The following LRRC37A2 variants were observed in gnomAD, a reference collection of about 807,000 sequenced individuals.
LRRC37A2 encodes leucine rich repeat containing 37 member A2, also known as leucine-rich repeat-containing protein 37A2.
Under a neutral mutation model 68.8 loss-of-function variants are expected in LRRC37A2, and 9 were observed. The observed-to-expected ratio is 0.13, with a 90% CI of 0.08 to 0.23. The LOEUF (loss-of-function observed/expected upper bound fraction) is 0.23. LRRC37A2 is among the 10% of genes least tolerant of loss of function. LRRC37A2 has a pLI of 1.00. For synonymous variants in LRRC37A2, 63 were observed against 367.6 expected (o/e 0.17, Z 9.48); for missense variants, 168 against 950.4 (o/e 0.18, Z 10.82).
chr17:46,829,104 A>G, the LRRC37A2 span, among the ~76,000 whole-genome samples: 2 of 152,352 alleles, frequency 1.3e-5, no homozygotes, highest in South Asian at 2.1e-4. Context: ...AACTTTTTCA[A>G]TATACTGGAA....
chr17:46,968,516 T>A, the LRRC37A2 span, among the ~76,000 whole-genome samples: 1 of 152,208 alleles, frequency 6.6e-6, no homozygotes, highest in Non-Finnish European at 1.5e-5. Context: ...GCCCCTGCCA[T>A]GGGAAGAGCA....
At chr17:46,875,227 G>A in the LRRC37A2 span, 33 of 1,614,070 alleles carry the variant, frequency 2.0e-5, no homozygotes, top group African/African-American at 2.7e-5. Context: ...CTGGAGAGCC[G>A]GCAGGCCTGG....
the LRRC37A2 span, among the ~76,000 whole-genome samples, chr17:46,963,134 C>T: frequency 6.6e-6 from 1 of 152,240 alleles, no homozygotes. Flanking sequence ...AAACACAAGA[C>T]ATTTCACAAT....
chr17:46,780,917 C>A, the LRRC37A2 span, among the ~76,000 whole-genome samples: 1 of 152,100 alleles, frequency 6.6e-6, no homozygotes, highest in African/African-American at 2.4e-5. Context: ...GTGGCCCATA[C>A]ATACAGTGGG....
the LRRC37A2 span, among the ~76,000 whole-genome samples, chr17:46,881,941 A>G: frequency 6.6e-6 from 1 of 152,206 alleles, no homozygotes; most frequent in East Asian, 1.9e-4. Flanking sequence ...GACAAAAATT[A>G]TCTACTACAT....
At chr17:46,884,154 C>T in the LRRC37A2 span, among the ~76,000 whole-genome samples, 2 of 152,182 alleles carry the variant, frequency 1.3e-5, no homozygotes, top group Non-Finnish European at 2.9e-5. Flanking sequence ...CCCGGGACCC[C>T]CACCTCTTCC....
the LRRC37A2 span, chr17:46,764,079 T>A: frequency 7.9e-5 from 12 of 152,300 alleles, no homozygotes; most frequent in African/African-American, 2.9e-4. Flanking sequence ...TCATCCTAGC[T>A]AAACCTATGG....
the LRRC37A2 span, among the ~76,000 whole-genome samples, chr17:46,865,387 G>A: frequency 6.6e-6 from 1 of 152,150 alleles, no homozygotes; most frequent in African/African-American, 2.4e-5. Context: ...AGCTGGACCC[G>A]GCTCTTTCCT....
At chr17:46,516,294 C>G (rs2051300278) in intron 2 of LRRC37A2, among the ~76,000 whole-genome samples, 2 of 88,894 alleles carry the variant, frequency 2.2e-5, no homozygotes, top group African/African-American at 3.6e-5. Context: ...CAGAGCAAGA[C>G]TCCATCTCAA....
chr17:46,994,202 T>G, the LRRC37A2 span, among the ~76,000 whole-genome samples: 2 of 151,650 alleles, frequency 1.3e-5, no homozygotes, highest in African/African-American at 4.9e-5. Flanking sequence ...CTGGCCAACA[T>G]AGTGAAACCC....
At chr17:46,767,824 G>A in the LRRC37A2 span, among the ~76,000 whole-genome samples, 5 of 151,746 alleles carry the variant, frequency 3.3e-5, no homozygotes, top group African/African-American at 4.9e-5. Flanking sequence ...TCACTCTGTC[G>A]CCCAGGCTGG....
At chr17:46,752,161 G>A in the LRRC37A2 span, among the ~76,000 whole-genome samples, 2 of 152,206 alleles carry the variant, frequency 1.3e-5, no homozygotes, top group African/African-American at 4.8e-5. Flanking sequence ...CTACTGTAGG[G>A]TTGAAGCATC....
chr17:46,973,930 A>T, the LRRC37A2 span, among the ~76,000 whole-genome samples: 110,703 of 152,026 alleles, frequency 0.73, 41,170 homozygotes, highest in Non-Finnish European at 0.8. Context: ...CCACCCCCAA[A>T]GCTCAAGGCT....
chr17:46,874,718 T>C, the LRRC37A2 span, among the ~76,000 whole-genome samples: 1 of 152,118 alleles, frequency 6.6e-6, no homozygotes, highest in African/African-American at 2.4e-5. Context: ...GCTGGGAATA[T>C]TGGCATGTAC....
the LRRC37A2 span, among the ~76,000 whole-genome samples, chr17:46,710,022 A>G: frequency 6.6e-6 from 1 of 152,240 alleles, no homozygotes; most frequent in Non-Finnish European, 1.5e-5. Context: ...TTTCAAAGAC[A>G]GTATTACAAA....
At chr17:46,797,140 A>G in the LRRC37A2 span, among the ~76,000 whole-genome samples, 1 of 152,230 alleles carries the variant, frequency 6.6e-6, no homozygotes, top group Middle Eastern at 3.2e-3. Flanking sequence ...TTCAAATGAG[A>G]ACAATAAACA....
chr17:46,920,819 TAG>T, the LRRC37A2 span, among the ~76,000 whole-genome samples: 5 of 152,194 alleles, frequency 3.3e-5, no homozygotes, highest in Non-Finnish European at 5.9e-5. Flanking sequence ...CAAACCAAAA[TAG>T]AGTCACTCAT....
the LRRC37A2 span, among the ~76,000 whole-genome samples, chr17:46,725,275 C>T: frequency 6.6e-6 from 1 of 152,168 alleles, no homozygotes; most frequent in African/African-American, 2.4e-5. Context: ...CTACACATAA[C>T]ATGAACAGAA....
intron 11 of LRRC37A2, among the ~76,000 whole-genome samples, chr17:46,551,148 G>A (rs964721675): frequency 6.7e-6 from 1 of 149,624 alleles, no homozygotes; most frequent in Admixed American, 6.6e-5. Flanking sequence ...ACCATTTCTT[G>A]GACACCATGT....
Sources: gnomAD v4.1 joint callset for allele counts (sites outside exome capture counted in the v4.1 genomes callset) on GRCh38, gnomAD v4.1.1 for gene constraint, MANE v1.5 for transcripts, NCBI Gene and HGNC (gene_info 2026-07-23, HGNC 2026-07-21) for gene names.